Variants in RASA3 observed in about 807,000 individuals in gnomAD.
RASA3 encodes the protein RAS p21 protein activator 3, also known as ras GTPase-activating protein 3.
A neutral mutation model predicts 110.0 loss-of-function variants in RASA3; 73 were observed. The observed-to-expected ratio is 0.66, with a 90% confidence interval of 0.55 to 0.81. The LOEUF is 0.81. Ranked by LOEUF, RASA3 falls within the 30% of genes least tolerant of loss-of-function variation. The pLI is 0.00. For missense variants in RASA3, 976 were observed against 1,113.2 expected (o/e 0.88, Z 1.75); for synonymous variants, 500 against 451.4 (o/e 1.11, Z -1.37).
At chr13:114,018,273 A>G in intron 10 of RASA3, 21 bp from the exon 11 acceptor site, 1 of 1,545,394 alleles carries the variant, frequency 6.5e-7, no homozygotes, top group East Asian at 2.4e-5. Flanking sequence ...GGGTGAGGTC[A>G]GTGCCAGGGC....
intron 2 of RASA3, among the ~76,000 whole-genome samples, chr13:114,061,018 C>G (rs927479313): frequency 1.6e-5 from 2 of 124,206 alleles, no homozygotes; most frequent in African/African-American, 5.8e-5. Flanking sequence ...GCAGACGGAG[C>G]CCCCACAGCC....
At chr13:114,034,838 T>G (rs1388131476) in intron 4 of RASA3, among the ~76,000 whole-genome samples, 1 of 151,830 alleles carries the variant, frequency 6.6e-6, no homozygotes, top group African/African-American at 2.4e-5. Flanking sequence ...GTGCTCGGGG[T>G]GGAGGGGAAT....
In RASA3 at chr13:114,048,172, G is replaced by C. The variant is rs956894407; in HGVS notation, c.277+3880C>G. The stretch of plus-strand genomic sequence containing the variant: ...CTACTGAAAATACAAAAAATTAGCC[G>C]GGCGTGGTGGCGGGCGCCTGTAGTC... On this transcript the variant is annotated intron_variant, in intron 3 of 23. Transcript: ENST00000334062. The surrounding 1 kb of genome is among the most constrained non-coding windows in gnomAD (Gnocchi z 4.3). Among the ~76,000 whole-genome samples the C allele has an allele frequency of 1.3e-5, 2 of 152,204 alleles. No individual in the cohort carries two copies. The highest frequency in any genetic ancestry group is 3.4e-3 in the Middle Eastern group (1 of 294).
At chr13:114,027,338 G>T in intron 7 of RASA3, 51 bp downstream of exon 7, 1 of 1,398,436 alleles carries the variant, frequency 7.2e-7, no homozygotes, top group African/African-American at 1.4e-5. Flanking sequence ...TTCTGCCAAC[G>T]TGTCTCGGGT....
chr13:114,046,588 G>A (rs544439037), intron 3 of RASA3, among the ~76,000 whole-genome samples: 5 of 152,196 alleles, frequency 3.3e-5, no homozygotes, highest in African/African-American at 1.2e-4. Context: ...GAAAGGGGTG[G>A]TAACCTCCAG....
At chr13:114,041,667 G>A (rs1008414302) in intron 3 of RASA3, among the ~76,000 whole-genome samples, 2 of 152,280 alleles carry the variant, frequency 1.3e-5, no homozygotes, top group African/African-American at 4.8e-5. Context: ...TGAAACACAC[G>A]TGTGCCTAGG....
In RASA3 at chr13:114,096,419, C is replaced by A. The variant is rs894521798; in HGVS notation, c.56-22582G>T. ...CCGGCTCGGAACCCTGTGCATTGCC[C>A]ATCTGTGAGCCGACCTCCTGCCTGA... On this transcript the variant is annotated intron_variant, in intron 1 of 23. Transcript: ENST00000334062. The surrounding 1 kb of genome is among the most constrained non-coding windows in gnomAD (Gnocchi z 5.1). 6.6e-6 allele frequency among the ~76,000 whole-genome samples: 1 copy of A among 152,118 alleles called. No individual in the cohort carries two copies. Among genetic ancestry groups the A allele is most frequent in the Non-Finnish European group, 1.5e-5 (1 of 68,002 alleles).
chr13:113,991,531 C>T (rs934458627), intron 22 of RASA3, among the ~76,000 whole-genome samples: 40 of 152,220 alleles, frequency 2.6e-4, no homozygotes, highest in Non-Finnish European at 3.4e-4. Flanking sequence ...GCTTCACCCC[C>T]GTGGGCTTTT....
At position 114,112,104 on chromosome 13, in the gene RASA3, C is replaced by CCG. The variant is rs1555343914; in HGVS notation, c.55+20330_55+20331insCG. ...GGAAACAGCAGCCCCCAGGCACCCC[C>CCG]CCCAGCAACTGGGACAAGGGCACAC... is the stretch of plus-strand genomic sequence containing the variant. On this transcript the variant is annotated intron_variant, in intron 1 of 23. Transcript: ENST00000334062. This position sits in a 1 kb window ranked among gnomAD's most constrained non-coding sequence, Gnocchi z 4.8. 6.6e-6 allele frequency among the ~76,000 whole-genome samples: 1 copy of CCG among 152,004 alleles called. No homozygotes were observed. Among genetic ancestry groups the CCG allele is most frequent in the South Asian group, 2.1e-4 (1 of 4,770 alleles).
chr13:114,007,589 C>T lies in RASA3; in HGVS notation c.1686G>A (p.Ser562=), dbSNP rs557790275. Residue 562 remains serine (S), a synonymous_variant, in exon 18 of 24, where the codon TCG becomes TCA. Transcript: ENST00000334062. Reference sequence around the variant, plus strand: ...TCTTGGGGTCTCTTCTCCCCGAGGACGAAATCAGATCCAAGAACTAAAGTT... The same window carrying T: ...TCTTGGGGTCTCTTCTCCCCGAGGATGAAATCAGATCCAAGAACTAAAGTT... ...DAVKNFLDLI[S]SSGRRDPKSV... The T allele has an allele frequency of 3.7e-6, 6 of 1,613,144 alleles. No homozygotes were observed. In the South Asian group the frequency reaches 5.5e-5, roughly 15 times the overall value.
intron 2 of RASA3, among the ~76,000 whole-genome samples, chr13:114,058,902 A>G (rs2079291208): frequency 6.6e-6 from 1 of 152,228 alleles, no homozygotes; most frequent in South Asian, 2.1e-4. Flanking sequence ...AGCTCTTTTA[A>G]ATACCTGCAT....
At chr13:113,992,026 T>A (rs1320039797) in intron 22 of RASA3, among the ~76,000 whole-genome samples, 1 of 150,968 alleles carries the variant, frequency 6.6e-6, no homozygotes, top group African/African-American at 2.4e-5. Context: ...CATTCACACA[T>A]CCACACTCAT....
At chr13:113,989,482 C>T (rs2053054877) in intron 22 of RASA3, among the ~76,000 whole-genome samples, 1 of 148,300 alleles carries the variant, frequency 6.7e-6, no homozygotes, top group Non-Finnish European at 1.5e-5. Flanking sequence ...CATCCACCAT[C>T]ACTCACCCAT....
Position 113,996,838 on chromosome 13 carries a change from A to G in RASA3, c.1933-99T>C, listed in dbSNP as rs1439151239. 5.5e-5 allele frequency: 60 copies of G among 1,096,714 alleles called. No homozygotes were observed. In the Admixed American group the frequency reaches 1.1e-3, roughly 20 times the overall value. The allele number at this position is 1,096,714 out of a possible 1,614,324, so 67.9% of individuals were successfully genotyped here. Reference sequence around the variant, plus strand: ...ACCTGGCCGTCCTCGCCGGAGTCGTAAGAGGGGACGCTGAGGGTGCACAGG... The same window carrying G: ...ACCTGGCCGTCCTCGCCGGAGTCGTGAGAGGGGACGCTGAGGGTGCACAGG... On this transcript the variant is annotated intron_variant, in intron 20 of 23. Coordinates refer to ENST00000334062, the MANE Select transcript of RASA3 (RefSeq NM_007368.4).
At chr13:114,123,110 C>T (rs2139794039) in intron 1 of RASA3, among the ~76,000 whole-genome samples, 1 of 152,324 alleles carries the variant, frequency 6.6e-6, no homozygotes, top group Admixed American at 6.5e-5. Context: ...GGGGACAGCA[C>T]TTTGCTCCTG....
In RASA3 at chr13:114,056,978, C is replaced by T. The variant is rs375872287; in HGVS notation, c.174-4823G>A. 3.9e-5 allele frequency among the ~76,000 whole-genome samples: 6 copies of T among 152,106 alleles called. No individual in the cohort carries two copies. Among genetic ancestry groups the T allele is most frequent in the South Asian group, 2.1e-4 (1 of 4,826 alleles). On this transcript the variant is annotated intron_variant, in intron 2 of 23. Transcript: ENST00000334062. The surrounding 1 kb of genome is among the most constrained non-coding windows in gnomAD (Gnocchi z 5.7). The stretch of plus-strand genomic sequence containing the variant: ...TGGGGCCCTCTGTCAGGCTGCCCCC[C>T]CTGCTAAGAGGAGCTGTTGTCCTTG...
chr13:114,030,099 A>G (rs2054118893), intron 4 of RASA3, among the ~76,000 whole-genome samples: 1 of 152,224 alleles, frequency 6.6e-6, no homozygotes, highest in African/African-American at 2.4e-5. Context: ...CTGACTGCTC[A>G]GCCCCATGTG....
intron 1 of RASA3, among the ~76,000 whole-genome samples, chr13:114,123,593 C>T (rs2080407645): frequency 6.6e-6 from 1 of 152,216 alleles, no homozygotes; most frequent in Non-Finnish European, 1.5e-5. Context: ...CAGGAAGACA[C>T]AACAACAATC....
intron 2 of RASA3, among the ~76,000 whole-genome samples, chr13:114,068,881 T>G (rs190887161): frequency 6.6e-6 from 1 of 152,340 alleles, no homozygotes; most frequent in East Asian, 1.9e-4. Context: ...CTCTGAAATG[T>G]GTCCACTTCG....
Sources: gnomAD v4.1 joint callset for allele counts (sites outside exome capture counted in the v4.1 genomes callset) on GRCh38, gnomAD v4.1.1 for gene constraint, Gnocchi (gnomAD v3.1) non-coding constraint, MANE v1.5 for transcripts, NCBI Gene and HGNC (gene_info 2026-07-23, HGNC 2026-07-21) for gene names.